AGO2: variants seen among roughly 807,000 people sequenced by gnomAD.
AGO2 encodes argonaute RISC catalytic component 2, also known as protein argonaute-2.
A neutral mutation model predicts 102.3 loss-of-function variants in AGO2; 5 were observed. The ratio of observed to expected loss-of-function variants is 0.05; its 90% CI spans 0.03 to 0.10. The LOEUF is 0.10. Among genes scored for constraint, AGO2 ranks in the 10% least tolerant of loss-of-function variants. AGO2 has a pLI of 1.00. For missense variants in AGO2, 541 were observed against 1,183.7 expected (o/e 0.46, Z 7.97); for synonymous variants, 449 against 473.1 (o/e 0.95, Z 0.66).
chr8:140,572,544 T>C (rs1322528150), intron 3 of AGO2: 1 of 356,132 alleles, frequency 2.8e-6, no homozygotes, highest in Non-Finnish European at 5.1e-6. Context: ...GTGTTTAGCA[T>C]GTGTACTTTG....
At chr8:140,536,209 C>T (rs559816814) in intron 16 of AGO2, among the ~76,000 whole-genome samples, 1 of 152,344 alleles carries the variant, frequency 6.6e-6, no homozygotes, top group East Asian at 1.9e-4. Context: ...AGCAGCAAAC[C>T]CCCACCCCAC....
chr8:140,590,554 C>T (rs2073732666), intron 1 of AGO2, among the ~76,000 whole-genome samples: 1 of 152,332 alleles, frequency 6.6e-6, no homozygotes, highest in Admixed American at 6.5e-5. Context: ...AGCGGAGGCA[C>T]AAACATGCCC....
At chr8:140,625,348 C>A (rs535093875) in intron 1 of AGO2, among the ~76,000 whole-genome samples, 1 of 152,132 alleles carries the variant, frequency 6.6e-6, no homozygotes, top group Non-Finnish European at 1.5e-5. Flanking sequence ...TCAGGTGATC[C>A]GCCCGCCTTG....
chr8:140,580,459 GA>G (rs2073539402), intron 2 of AGO2, among the ~76,000 whole-genome samples: 1 of 152,218 alleles, frequency 6.6e-6, no homozygotes, highest in Non-Finnish European at 1.5e-5. Context: ...TGTGGTAAGA[GA>G]AATGGGAAGG....
Position 140,557,207 on chromosome 8 carries a change from G to A in AGO2, c.908C>T (p.Thr303Met), listed in dbSNP as rs1045459491. 1.9e-6 allele frequency: 3 copies of A among 1,613,794 alleles called. No homozygotes were observed. The highest frequency in any genetic ancestry group is 2.5e-6 in the Non-Finnish European group (3 of 1,179,840). ...TFPLQQESGQ[T>M]VECTVAQYFK... ...ATACTGGGCCACCGTGCACTCCACC[G>A]TCTGCCCGCTCTCCTGCTGCAGCGG... Residue 303 changes from threonine to methionine, a missense_variant, in exon 8 of 19, where the codon ACG (threonine) becomes ATG (methionine). Coordinates refer to ENST00000220592, the MANE Select transcript of AGO2 (RefSeq NM_012154.5). This position sits in a 1 kb window ranked among gnomAD's most constrained non-coding sequence, Gnocchi z 5.9.
chr8:140,581,009 A>C (rs571558723), intron 2 of AGO2, among the ~76,000 whole-genome samples: 1 of 152,272 alleles, frequency 6.6e-6, no homozygotes, highest in Admixed American at 6.5e-5. Flanking sequence ...CTGGTGTCAG[A>C]TAACGAAGCC....
At chr8:140,559,209 A>G (rs540050063) in intron 6 of AGO2, among the ~76,000 whole-genome samples, 186 bp downstream of exon 6, 12 of 152,236 alleles carry the variant, frequency 7.9e-5, no homozygotes, top group African/African-American at 2.9e-4. Flanking sequence ...TTATTTAGGA[A>G]ACCCCCACTC....
intron 1 of AGO2, among the ~76,000 whole-genome samples, chr8:140,621,469 G>A (rs1016964588): frequency 3.3e-5 from 5 of 152,168 alleles, no homozygotes; most frequent in Admixed American, 1.3e-4. Context: ...CCCCAGTCAC[G>A]GGCATGACCC....
intron 1 of AGO2, among the ~76,000 whole-genome samples, chr8:140,611,007 A>G (rs953854350): frequency 6.6e-6 from 1 of 152,250 alleles, no homozygotes; most frequent in Non-Finnish European, 1.5e-5. Flanking sequence ...GCGCGCATGC[A>G]GATCATTCGA....
rs532824632 is a variant in AGO2 at position 140,629,123 on chromosome 8, A to G, written c.22+6362T>C. Reference sequence around the variant, plus strand: ...ATAAATAAATAAATAAATTTTTAAAAATTCTAAAAACTAATAATAAACGCG... The same window carrying G: ...ATAAATAAATAAATAAATTTTTAAAGATTCTAAAAACTAATAATAAACGCG... On this transcript the variant is annotated intron_variant, in intron 1 of 18. Coordinates refer to ENST00000220592, the MANE Select transcript of AGO2 (RefSeq NM_012154.5). 2.6e-5 allele frequency among the ~76,000 whole-genome samples: 4 copies of G among 152,202 alleles called. No homozygotes were observed. In the East Asian group the frequency reaches 7.7e-4, roughly 29 times the overall value.
chr8:140,537,116 TCTA>T (rs945023445), intron 16 of AGO2, among the ~76,000 whole-genome samples: 4 of 152,234 alleles, frequency 2.6e-5, no homozygotes, highest in African/African-American at 9.6e-5. Context: ...CCACTTCGTT[TCTA>T]CTGTTGATTT....
intron 1 of AGO2, among the ~76,000 whole-genome samples, chr8:140,620,752 G>C (rs565152924): frequency 3.3e-5 from 5 of 152,246 alleles, no homozygotes; most frequent in African/African-American, 1.2e-4. Context: ...ATCTGTGGGA[G>C]GCTGAGGCAG....
In AGO2 at chr8:140,560,461, T is replaced by C; in HGVS notation, c.568A>G (p.Asn190Asp). The C allele has an allele frequency of 6.2e-7, 1 of 1,614,090 alleles. No individual in the cohort carries two copies. The change falls in exon 5 of 19, where the codon AAC (asparagine) becomes GAC (aspartate). Residue 190 changes from asparagine (N) to aspartate (D), a missense_variant. By Grantham distance (23) the Asn-to-Asp change is conservative (BLOSUM62 1). Around this residue, in one of 6 missense-constraint regions of AGO2, gnomAD observed 26 missense variants for 52.0 expected, o/e 0.50. Transcript: ENST00000220592. ...SFFTASEGCS[N>D]PLGGGREVWF... ...ACTTCTCGGCCCCCGCCAAGAGGGTTAGAGCAGCCTTCGGACGCGGTGAAG... is the reference window on the plus strand; with the variant it reads ...ACTTCTCGGCCCCCGCCAAGAGGGTCAGAGCAGCCTTCGGACGCGGTGAAG...
intron 3 of AGO2, among the ~76,000 whole-genome samples, chr8:140,569,990 C>A (rs534011430): frequency 6.6e-6 from 1 of 152,354 alleles, no homozygotes; most frequent in South Asian, 2.1e-4. Context: ...AAAAGTACTT[C>A]ACAGAAAAAA....
chr8:140,557,542 C>T lies in AGO2; in HGVS notation c.879-306G>A, dbSNP rs928351408. On this transcript the variant is annotated intron_variant, in intron 7 of 18. Transcript: ENST00000220592. The surrounding 1 kb of genome is among the most constrained non-coding windows in gnomAD (Gnocchi z 5.9). ...ATGGGCACGACCAGAAAGGCCTGCG[C>T]GTCTTCCAGCAGACCGTGGTGACCC... Among the ~76,000 whole-genome samples, 13 of 152,224 alleles carry T rather than the reference C, an allele frequency of 8.5e-5. No homozygotes were observed. The highest frequency in any genetic ancestry group is 1.2e-4 in the Non-Finnish European group (8 of 68,048).
chr8:140,635,905 G>A (rs1161439950), upstream of AGO2, among the ~76,000 whole-genome samples: 3 of 149,110 alleles, frequency 2.0e-5, no homozygotes, highest in Non-Finnish European at 3.0e-5. Context: ...GACGAGGGCC[G>A]AGGGCGGCGC....
chr8:140,635,850 GC>G (rs1455870103), upstream of AGO2, among the ~76,000 whole-genome samples: 4 of 143,770 alleles, frequency 2.8e-5, no homozygotes, highest in African/African-American at 1.0e-4. Context: ...CCGGGGAGGG[GC>G]CCGGAGACCT....
intron 3 of AGO2, among the ~76,000 whole-genome samples, chr8:140,570,077 C>T (rs545275295): frequency 2.0e-5 from 3 of 152,380 alleles, no homozygotes; most frequent in Admixed American, 2.0e-4. Flanking sequence ...GGCTCTCACA[C>T]AGAAGGTTAA....
intron 3 of AGO2, among the ~76,000 whole-genome samples, chr8:140,566,186 T>C (rs946868016): frequency 2.0e-5 from 3 of 152,192 alleles, no homozygotes; most frequent in Non-Finnish European, 4.4e-5. Context: ...GACTGAATCA[T>C]GGGGGCTGGT....
Sources: allele counts gnomAD v4.1 joint callset (sites outside exome capture counted in the v4.1 genomes callset), GRCh38; gene constraint gnomAD v4.1.1; regional missense constraint gnomAD v4.1.1; non-coding constraint Gnocchi (gnomAD v3.1); transcripts MANE v1.5; gene names NCBI Gene and HGNC (gene_info 2026-07-23, HGNC 2026-07-21).